SH3TC1: variants seen among roughly 807,000 people sequenced by gnomAD.
SH3TC1 encodes the protein SH3 domain and tetratricopeptide repeats 1.
Under a neutral mutation model 117.3 loss-of-function variants are expected in SH3TC1, and 135 were observed. The ratio of observed to expected loss-of-function variants is 1.15; its 90% CI spans 1.00 to 1.33. The LOEUF (loss-of-function observed/expected upper bound fraction) is 1.33. SH3TC1 is among the 40% of genes most tolerant of loss of function. SH3TC1 has a pLI of 0.00. For synonymous variants in SH3TC1, 898 were observed against 816.9 expected (o/e 1.10, Z -1.69); for missense variants, 2,092 against 1,794.3 (o/e 1.17, Z -3.00).
Position 8,210,464 on chromosome 4 carries a change from A to G in SH3TC1, c.247+642A>G, listed in dbSNP as rs1718563958. 6.6e-6 allele frequency among the ~76,000 whole-genome samples: 1 copy of G among 152,072 alleles called. No individual in the cohort carries two copies. Among genetic ancestry groups the G allele is most frequent in the Non-Finnish European group, 1.5e-5 (1 of 68,020 alleles). ...TGACCAGGACGCATTAGGCAATAGG[A>G]CCGTTATTTAGAATTTGAAAATGCA... On this transcript the variant is annotated intron_variant, in intron 3 of 17. Coordinates refer to ENST00000245105, the MANE Select transcript of SH3TC1 (RefSeq NM_018986.5). This position sits in a 1 kb window ranked among gnomAD's most constrained non-coding sequence, Gnocchi z 4.1.
At position 8,186,679 on chromosome 4, in the gene SH3TC1, C is replaced by T. The variant is rs970742999; in HGVS notation, c.-57+4469C>T. 2.6e-5 allele frequency among the ~76,000 whole-genome samples: 4 copies of T among 152,138 alleles called. No homozygotes were observed. The highest frequency in any genetic ancestry group is 5.9e-5 in the Non-Finnish European group (4 of 68,032). On this transcript the variant is annotated intron_variant, in intron 1 of 16. Transcript: ENST00000508641. This position sits in a 1 kb window ranked among gnomAD's most constrained non-coding sequence, Gnocchi z 5.2. ...CCCCTTGAGGCTGGGTGCGGTGGCTCACGCCTGTAATCCCAGCACTTTGGG... is the reference window on the plus strand; with the variant it reads ...CCCCTTGAGGCTGGGTGCGGTGGCTTACGCCTGTAATCCCAGCACTTTGGG...
intron 9 of SH3TC1, among the ~76,000 whole-genome samples, chr4:8,221,889 T>A (rs940172764): frequency 6.6e-6 from 1 of 152,228 alleles, no homozygotes; most frequent in Admixed American, 6.5e-5. Flanking sequence ...CTTTTTCTGA[T>A]GTTTTTAAAG....
intron 4 of SH3TC1, among the ~76,000 whole-genome samples, 153 bp from the exon 5 acceptor site, chr4:8,214,322 A>T (rs917891726): frequency 6.6e-6 from 1 of 151,966 alleles, no homozygotes; most frequent in Non-Finnish European, 1.5e-5. Context: ...GCAGGGGAGG[A>T]GCTGACTTGG....
At chr4:8,215,711 T>G (rs1377559437) in intron 5 of SH3TC1, among the ~76,000 whole-genome samples, 2 of 152,012 alleles carry the variant, frequency 1.3e-5, no homozygotes, top group Non-Finnish European at 2.9e-5. Context: ...CTGATAGAAA[T>G]GGAAACAGAT....
At position 8,189,362 on chromosome 4, in the gene SH3TC1, T is replaced by C. The variant is rs368151533; in HGVS notation, c.-57+7152T>C. ...CCCCAGTCCCAGGAGGGGCGGAGCA[T>C]GCTGAGTCTTTCCAGGGCGCAGGGC... is the stretch of plus-strand genomic sequence containing the variant. On this transcript the variant is annotated intron_variant, in intron 1 of 16. Transcript: ENST00000508641. 1.2e-4 allele frequency among the ~76,000 whole-genome samples: 19 copies of C among 152,228 alleles called. No homozygotes were observed. In the East Asian group the frequency reaches 3.1e-3, roughly 25 times the overall value.
intron 8 of SH3TC1, among the ~76,000 whole-genome samples, chr4:8,218,753 C>T (rs748614700): frequency 1.4e-4 from 21 of 152,368 alleles, no homozygotes; most frequent in East Asian, 5.8e-4. Flanking sequence ...GGTGGGCTGG[C>T]GCTGGCTGAA....
At chr4:8,191,539 C>G (rs1400515811) in intron 1 of SH3TC1, among the ~76,000 whole-genome samples, 1 of 152,242 alleles carries the variant, frequency 6.6e-6, no homozygotes, top group East Asian at 1.9e-4. Context: ...AGAAATAACA[C>G]ATGGTGTGAG....
rs1436157610 is a variant in SH3TC1, at chr4:8,228,223, G to A, written c.2529G>A (p.Val843=). The A allele has an allele frequency of 3.7e-6, 6 of 1,608,684 alleles. No individual in the cohort carries two copies. Among genetic ancestry groups the A allele is most frequent in the South Asian group, 1.1e-5 (1 of 90,728 alleles). ...WLHVLHGQSP[V]ALDILQSVRD... Reference sequence around the variant, plus strand: ...ACGTGCTTCATGGGCAGAGCCCGGTGGCCCTGGACATCCTGCAGTCTGTCC... The same window carrying A: ...ACGTGCTTCATGGGCAGAGCCCGGTAGCCCTGGACATCCTGCAGTCTGTCC... Residue 843 remains valine (V), a synonymous_variant, in exon 12 of 18, where the codon GTG becomes GTA. Transcript: ENST00000245105.
chr4:8,228,475 G>A lies in SH3TC1; in HGVS notation c.2781G>A (p.Leu927=). The A allele has an allele frequency of 6.2e-7, 1 of 1,609,898 alleles. No individual in the cohort carries two copies. Among genetic ancestry groups the A allele is most frequent in the Non-Finnish European group, 8.5e-7 (1 of 1,178,742 alleles). Residue 927 remains leucine, a synonymous_variant, in exon 12 of 18, where the codon CTG becomes CTA. Transcript: ENST00000245105. The part of the protein sequence containing the change: ...GASRLAQHYL[L]EAVRLFSRLP... The stretch of plus-strand genomic sequence containing the variant: ...GCAGGCTGGCCCAGCACTACCTCCT[G>A]GAGGCCGTGCGGCTGTTCTCGAGGC...
chr4:8,205,951 C>A lies in SH3TC1; in HGVS notation c.172+585C>A, dbSNP rs528904557. ...CCAAGGCCTGCACGGCCCCTCCCGG[C>A]AGGAGACAGCTGCGGTTGTGACCCG... On this transcript the variant is annotated intron_variant, in intron 2 of 17. Coordinates refer to ENST00000245105, the MANE Select transcript of SH3TC1 (RefSeq NM_018986.5). The surrounding 1 kb of genome is among the most constrained non-coding windows in gnomAD (Gnocchi z 5.4). The A allele has an allele frequency of 1.1e-4, 50 of 446,208 alleles. No individual in the cohort carries two copies. The highest frequency in any genetic ancestry group is 1.7e-4 in the Non-Finnish European group (43 of 248,336). The allele number at this position is 446,208 out of a possible 1,614,324, so 27.6% of individuals were successfully genotyped here.
At chr4:8,184,797 T>C (rs1229197759) in intron 1 of SH3TC1, among the ~76,000 whole-genome samples, 4 of 152,144 alleles carry the variant, frequency 2.6e-5, no homozygotes, top group African/African-American at 7.2e-5. Flanking sequence ...TATACATTTG[T>C]GATACAGTTA....
At chr4:8,196,982 T>C (rs778536728), upstream of SH3TC1, among the ~76,000 whole-genome samples, 2 of 152,072 alleles carry the variant, frequency 1.3e-5, no homozygotes, top group Non-Finnish European at 2.9e-5. The surrounding 1 kb of genome is among the most constrained non-coding windows in gnomAD (Gnocchi z 4.6). Context: ...CACCAAAAGG[T>C]AGGACCACCC....
chr4:8,229,770 A>G (rs1360170628), intron 12 of SH3TC1, among the ~76,000 whole-genome samples: 1 of 152,042 alleles, frequency 6.6e-6, no homozygotes, highest in Non-Finnish European at 1.5e-5. Context: ...GAGACCCTCC[A>G]GAAACCCGGC....
At chr4:8,233,970 TTGTC>T (rs200636979) in intron 14 of SH3TC1, among the ~76,000 whole-genome samples, 4 of 130,698 alleles carry the variant, frequency 3.1e-5, no homozygotes, top group Admixed American at 2.3e-4. Flanking sequence ...ATTCACCTGT[TTGTC>T]CATCCATCCA....
At chr4:8,204,405 A>T (rs1678268) in intron 1 of SH3TC1, among the ~76,000 whole-genome samples, 78,505 of 152,004 alleles carry the variant, frequency 0.52, 21,145 homozygotes, top group Admixed American at 0.62. Flanking sequence ...CACGGATGGA[A>T]CCCCTTTTCC....
intron 2 of SH3TC1, among the ~76,000 whole-genome samples, chr4:8,207,349 G>T (rs1718297463): frequency 6.6e-6 from 1 of 152,210 alleles, no homozygotes; most frequent in Admixed American, 6.5e-5. Context: ...TTGGAGAAGG[G>T]GCGGCTGCCA....
chr4:8,190,289 C>G lies in SH3TC1; in HGVS notation c.-57+8079C>G, dbSNP rs1021045127. Among the ~76,000 whole-genome samples, 1 of 152,166 alleles carries G rather than the reference C, an allele frequency of 6.6e-6. No individual in the cohort carries two copies. The highest frequency in any genetic ancestry group is 1.5e-5 in the Non-Finnish European group (1 of 68,030). Reference sequence around the variant, plus strand: ...CCCAGCTGGGAGGACTTCACTCCTTCGGCGGAGTTGGGGGACTGTGTGCTT... The same window carrying G: ...CCCAGCTGGGAGGACTTCACTCCTTGGGCGGAGTTGGGGGACTGTGTGCTT... On this transcript the variant is annotated intron_variant, in intron 1 of 16. Coordinates refer to the SH3TC1 transcript ENST00000508641. The surrounding 1 kb of genome is among the most constrained non-coding windows in gnomAD (Gnocchi z 4.7).
intron 13 of SH3TC1, 168 bp from the exon 14 acceptor site, chr4:8,233,195 G>A: frequency 2.1e-6 from 3 of 1,405,952 alleles, no homozygotes; most frequent in Non-Finnish European, 2.8e-6. Context: ...CTTGCCGTGT[G>A]TGTTCAACCC....
chr4:8,189,002 G>A (rs1175406363), intron 1 of SH3TC1, among the ~76,000 whole-genome samples: 4 of 152,242 alleles, frequency 2.6e-5, no homozygotes, highest in African/African-American at 7.2e-5. Flanking sequence ...GGGCAAGTCC[G>A]TGCCTGCTGC....
Sources: allele counts gnomAD v4.1 joint callset (sites outside exome capture counted in the v4.1 genomes callset), GRCh38; gene constraint gnomAD v4.1.1; non-coding constraint Gnocchi (gnomAD v3.1); transcripts MANE v1.5; gene names NCBI Gene and HGNC (gene_info 2026-07-23, HGNC 2026-07-21).